CTNNAL1: variants seen among roughly 807,000 people sequenced by gnomAD.
CTNNAL1 encodes alpha-catulin.
In CTNNAL1, 69 loss-of-function variants were observed where a neutral mutation model predicts 93.6. The observed-to-expected ratio is 0.74, with a 90% CI of 0.61 to 0.90. The LOEUF is 0.90. Ranked by LOEUF, CTNNAL1 falls within the 40% of genes least tolerant of loss-of-function variation. CTNNAL1 has a pLI of 0.00. For synonymous variants in CTNNAL1, 286 were observed against 305.4 expected (o/e 0.94, Z 0.66); for missense variants, 836 against 862.0 (o/e 0.97, Z 0.38).
At chr9:109,001,387 A>C (rs1826823077) in intron 1 of CTNNAL1, among the ~76,000 whole-genome samples, 1 of 152,170 alleles carries the variant, frequency 6.6e-6, no homozygotes, top group Non-Finnish European at 1.5e-5. Flanking sequence ...TAGTGGTTTT[A>C]AAACATGTCC....
intron 2 of CTNNAL1, among the ~76,000 whole-genome samples, chr9:108,993,214 C>T (rs903268883): frequency 2.6e-5 from 4 of 152,138 alleles, no homozygotes; most frequent in African/African-American, 9.7e-5. Context: ...GGGGCGAGGC[C>T]GGGGAGAAGT....
chr9:108,970,010 T>C (rs1384544456), intron 10 of CTNNAL1, among the ~76,000 whole-genome samples: 1 of 152,150 alleles, frequency 6.6e-6, no homozygotes, highest in Non-Finnish European at 1.5e-5. Context: ...CATTGTTTTG[T>C]TTGTGTTTTA....
rs1331957431 is a variant in CTNNAL1 at position 108,965,493 on chromosome 9, T to C, written c.1476A>G (p.Pro492=). Residue 492 remains proline (P), a synonymous_variant, in exon 11 of 19, where the codon CCA becomes CCG. Coordinates refer to ENST00000325551, the MANE Select transcript of CTNNAL1 (RefSeq NM_003798.4). ...GGTTTTCTTTAGCAATTTTACTAGA[T>C]GGATGCAATGTCAATGTTTCAGCAG... ...ISAAETLTLH[P]SSKIAKENLD... The C allele has an allele frequency of 1.0e-5, 16 of 1,587,128 alleles. No individual in the cohort carries two copies. Among genetic ancestry groups the C allele is most frequent in the East Asian group, 2.3e-5 (1 of 43,560 alleles).
intron 14 of CTNNAL1, among the ~76,000 whole-genome samples, chr9:108,949,855 A>C (rs1830507215): frequency 6.6e-6 from 1 of 151,686 alleles, no homozygotes; most frequent in African/African-American, 2.4e-5. Context: ...AAAAAAATAA[A>C]AAATAAAGAA....
intron 2 of CTNNAL1, among the ~76,000 whole-genome samples, chr9:108,997,131 C>G (rs10979647): frequency 6.6e-6 from 1 of 152,166 alleles, no homozygotes; most frequent in Non-Finnish European, 1.5e-5. Context: ...GATATCCCCC[C>G]CTGCTTCCCA....
At chr9:109,000,345 G>C (rs1246016783) in intron 1 of CTNNAL1, among the ~76,000 whole-genome samples, 4 of 152,040 alleles carry the variant, frequency 2.6e-5, no homozygotes, top group Non-Finnish European at 5.9e-5. Flanking sequence ...CAATAATTCA[G>C]TTACACAAAA....
chr9:108,950,400 C>T, intron 14 of CTNNAL1: 1 of 1,204,094 alleles, frequency 8.3e-7, no homozygotes, highest in Non-Finnish European at 1.1e-6. Context: ...AAGGAAACCA[C>T]CAAAGGAATG....
intron 1 of CTNNAL1, among the ~76,000 whole-genome samples, chr9:109,000,847 T>A (rs838831): frequency 0.92 from 140,597 of 152,012 alleles, 65,155 homozygotes; most frequent in East Asian, 1. Flanking sequence ...GCGTGGAATA[T>A]AGGGTTCTGG....
intron 8 of CTNNAL1, among the ~76,000 whole-genome samples, chr9:108,976,652 T>C (rs2132140172): frequency 6.6e-6 from 1 of 152,226 alleles, no homozygotes; most frequent in South Asian, 2.1e-4. Context: ...CACTTCAGCC[T>C]CCCGAGTAGC....
At position 108,999,236 on chromosome 9, in the gene CTNNAL1, A is replaced by G; in HGVS notation, c.162T>C (p.His54=). 6.2e-6 allele frequency: 10 copies of G among 1,600,716 alleles called. No individual in the cohort carries two copies. Among genetic ancestry groups the G allele is most frequent in the Non-Finnish European group, 8.5e-6 (10 of 1,175,518 alleles). ...TATCAGACTTTTTGGTATTATCTTT[A>G]TGATTAATAAGCGTGGTGATCTAAA... ...LVSQITTLIN[H]KDNTKKSDKT... is the part of the protein sequence containing the mutation. Residue 54 remains histidine (H), a synonymous_variant, in exon 2 of 19, where the codon CAT becomes CAC. Coordinates refer to ENST00000325551, the MANE Select transcript of CTNNAL1 (RefSeq NM_003798.4).
At chr9:108,954,480 C>T (rs900550998) in intron 12 of CTNNAL1, among the ~76,000 whole-genome samples, 3 of 152,052 alleles carry the variant, frequency 2.0e-5, no homozygotes, top group Non-Finnish European at 4.4e-5. Context: ...TTGTAGTAGC[C>T]CTAAATTATA....
intron 7 of CTNNAL1, among the ~76,000 whole-genome samples, chr9:108,978,401 T>C (rs1365259003): frequency 6.6e-6 from 1 of 152,226 alleles, no homozygotes; most frequent in East Asian, 1.9e-4. Context: ...TGCTCCTTCT[T>C]TCTTCAGTCT....
At chr9:108,969,742 T>C (rs1831056459) in intron 10 of CTNNAL1, among the ~76,000 whole-genome samples, 1 of 152,194 alleles carries the variant, frequency 6.6e-6, no homozygotes, top group Non-Finnish European at 1.5e-5. Flanking sequence ...AGCTTCAAAC[T>C]CCTGGACTAA....
intron 8 of CTNNAL1, among the ~76,000 whole-genome samples, chr9:108,974,428 A>G (rs962849671): frequency 6.6e-6 from 1 of 152,184 alleles, no homozygotes; most frequent in African/African-American, 2.4e-5. Context: ...ATAGAAAACC[A>G]TGTCTTTCTA....
In CTNNAL1 at chr9:108,986,231, T is replaced by C. The variant is rs537306459; in HGVS notation, c.640-1795A>G. Among the ~76,000 whole-genome samples, 423 of 146,804 alleles carry C rather than the reference T, an allele frequency of 2.9e-3. 3 individuals carry two copies. Among genetic ancestry groups the C allele is most frequent in the Admixed American group, 2.6e-3 (38 of 14,522 alleles). On this transcript the variant is annotated intron_variant, in intron 4 of 18. Transcript: ENST00000325551. ...TGTGATATTCCCCTTCCTGTGTCCATGTGTTCTCATTGTTCAATTCCCATC... is the reference window on the plus strand; with the variant it reads ...TGTGATATTCCCCTTCCTGTGTCCACGTGTTCTCATTGTTCAATTCCCATC...
intron 18 of CTNNAL1, 24 bp downstream of exon 18, chr9:108,942,937 T>C: frequency 6.2e-7 from 1 of 1,610,192 alleles, no homozygotes; most frequent in African/African-American, 1.3e-5. Context: ...AAAGTATGAG[T>C]CTAAAATAGA....
At chr9:108,978,212 AC>A (rs1831320009) in intron 7 of CTNNAL1, among the ~76,000 whole-genome samples, 2 of 152,352 alleles carry the variant, frequency 1.3e-5, no homozygotes, top group South Asian at 4.1e-4. Context: ...TGTGTATCAC[AC>A]AGATAATTCA....
chr9:108,964,878 T>A (rs112718664), intron 11 of CTNNAL1, among the ~76,000 whole-genome samples: 51 of 120,378 alleles, frequency 4.2e-4, no homozygotes, highest in African/African-American at 1.3e-3. Context: ...TTATTTATTT[T>A]TTGAGACAGA....
At chr9:108,949,715 A>C (rs1830502739) in intron 14 of CTNNAL1, among the ~76,000 whole-genome samples, 1 of 152,122 alleles carries the variant, frequency 6.6e-6, no homozygotes, top group Non-Finnish European at 1.5e-5. Flanking sequence ...GTGGTGGCAC[A>C]CAACTGTAAT....
Sources: gnomAD v4.1 joint callset for allele counts (sites outside exome capture counted in the v4.1 genomes callset) on GRCh38, gnomAD v4.1.1 for gene constraint, MANE v1.5 for transcripts, NCBI Gene and HGNC (gene_info 2026-07-23, HGNC 2026-07-21) for gene names.